NCAM1: variants seen among roughly 807,000 people sequenced by gnomAD.
NCAM1 encodes neural cell adhesion molecule 1, also known as antigen recognized by monoclonal antibody 5.1H11.
Under a neutral mutation model 109.8 loss-of-function variants are expected in NCAM1, and 14 were observed. The observed-to-expected ratio is 0.13, with a 90% CI of 0.08 to 0.20. The LOEUF (loss-of-function observed/expected upper bound fraction) is 0.20. NCAM1 is among the 10% of genes least tolerant of loss of function. The pLI is 1.00. For missense variants in NCAM1, 774 were observed against 1,109.9 expected (o/e 0.70, Z 4.30); for synonymous variants, 418 against 442.9 (o/e 0.94, Z 0.70).
intron 1 of NCAM1, among the ~76,000 whole-genome samples, chr11:113,135,548 CT>C (rs1941566981): frequency 6.6e-6 from 1 of 152,184 alleles, no homozygotes; most frequent in Admixed American, 6.5e-5. Flanking sequence ...AGGGAATTTG[CT>C]CCTTAGATAG....
chr11:112,982,670 G>A (rs1555068939), intron 1 of NCAM1, among the ~76,000 whole-genome samples: 1 of 151,926 alleles, frequency 6.6e-6, no homozygotes, highest in Non-Finnish European at 1.5e-5. Flanking sequence ...GACTGATTTG[G>A]ATATGCAAGA....
At chr11:113,219,760 T>C (rs1944631663) in intron 8 of NCAM1, among the ~76,000 whole-genome samples, 1 of 152,238 alleles carries the variant, frequency 6.6e-6, no homozygotes, top group African/African-American at 2.4e-5. Context: ...CTCAATGTGA[T>C]AGAGTCTCTC....
At chr11:112,979,984 A>G (rs1020960115) in intron 1 of NCAM1, among the ~76,000 whole-genome samples, 2 of 151,760 alleles carry the variant, frequency 1.3e-5, no homozygotes, top group Admixed American at 1.3e-4. Context: ...GGATGAAAAC[A>G]CTCATTAAAT....
intron 14 of NCAM1, chr11:113,240,721 T>C (rs1945295631): frequency 6.6e-7 from 1 of 1,509,084 alleles, no homozygotes; most frequent in Non-Finnish European, 9.2e-7. Flanking sequence ...CTTCCATTTT[T>C]TTTTCATTCA....
chr11:113,061,477 T>C (rs781826603), intron 1 of NCAM1, among the ~76,000 whole-genome samples: 8 of 152,144 alleles, frequency 5.3e-5, no homozygotes, highest in Admixed American at 3.9e-4. Flanking sequence ...AAAACGAAGC[T>C]CTTAAATAGT....
chr11:113,189,896 T>C (rs1242111193), intron 1 of NCAM1, among the ~76,000 whole-genome samples: 2 of 143,784 alleles, frequency 1.4e-5, no homozygotes, highest in African/African-American at 5.2e-5. Context: ...AAAAAAAAAC[T>C]ATGCTGGATA....
intron 1 of NCAM1, among the ~76,000 whole-genome samples, chr11:113,155,508 T>TA (rs879986759): frequency 0.015 from 2,046 of 140,752 alleles, 43 homozygotes; most frequent in African/African-American, 0.047. Context: ...GGCTCCATCT[T>TA]AAAAAAAAAA....
intron 8 of NCAM1, among the ~76,000 whole-genome samples, chr11:113,216,353 C>A (rs648092): frequency 1.3e-5 from 2 of 151,486 alleles, no homozygotes; most frequent in Non-Finnish European, 2.9e-5. Flanking sequence ...GGGGTTTCAC[C>A]GTGTTAGCCA....
At chr11:113,046,280 G>T (rs1021485799) in intron 1 of NCAM1, among the ~76,000 whole-genome samples, 1 of 152,212 alleles carries the variant, frequency 6.6e-6, no homozygotes, top group Admixed American at 6.5e-5. Context: ...AAGCAGAGAG[G>T]TCAGGCAACT....
rs1945010889 is a variant in NCAM1 at position 113,231,660 on chromosome 11, A to G, written c.1105A>G (p.Met369Val). 2 of 1,608,694 alleles carry G rather than the reference A, an allele frequency of 1.2e-6. No homozygotes were observed. Among genetic ancestry groups the G allele is most frequent in the Non-Finnish European group, 1.7e-6 (2 of 1,176,524 alleles). ...CCCCCGGCAGACTCTGGATGGGCAC[A>G]TGGTGGTGCGTAGCCATGCCCGTGT... ...PEKQETLDGH[M>V]VVRSHARVSS... Residue 369 changes from methionine (M) to valine (V), a missense_variant, in exon 10 of 20, where the codon ATG (methionine) becomes GTG (valine). This residue lies in a region of NCAM1 where 523 missense variants were observed against 784.2 expected (regional missense o/e 0.67). Transcript: ENST00000316851.
At chr11:113,259,949 C>T in intron 16 of NCAM1, 197 bp from the exon 17 acceptor site, 1 of 475,496 alleles carries the variant, frequency 2.1e-6, no homozygotes, top group South Asian at 2.8e-5. Flanking sequence ...AGTGATCCAC[C>T]CGCCTCGGCC....
rs1555117998 is a variant in NCAM1, at chr11:113,235,071, C to T, written c.1732C>T (p.Pro578Ser). The T allele has an allele frequency of 6.3e-7, 1 of 1,579,850 alleles. No homozygotes were observed. The highest frequency in any genetic ancestry group is 1.2e-5 in the South Asian group (1 of 86,828). Residue 578 changes from proline to serine, a missense_variant, in exon 14 of 20, where the codon CCC (proline) becomes TCC (serine). This residue lies in a region of NCAM1 where 523 missense variants were observed against 784.2 expected (regional missense o/e 0.67). Coordinates refer to ENST00000316851, the MANE Select transcript of NCAM1 (RefSeq NM_181351.5). ...CATCGTCACCATCGTGGGCCTGAAG[C>T]CCGAAACAACGTACGCCGTAAGGCT... ...EGIVTIVGLK[P>S]ETTYAVRLAA...
intron 1 of NCAM1, chr11:113,197,132 T>C (rs973461): frequency 0.4 from 69,559 of 175,476 alleles, 14,989 homozygotes; most frequent in African/African-American, 0.55. Context: ...TGGGGGAAAC[T>C]GCCCCCATGA....
chr11:112,988,467 G>T (rs1025159448), intron 1 of NCAM1, among the ~76,000 whole-genome samples: 1 of 152,066 alleles, frequency 6.6e-6, no homozygotes, highest in Admixed American at 6.5e-5. Flanking sequence ...TGTAGGGCAA[G>T]TCTAGTGGTG....
At chr11:113,041,810 T>C (rs782358800) in intron 1 of NCAM1, among the ~76,000 whole-genome samples, 5 of 152,126 alleles carry the variant, frequency 3.3e-5, no homozygotes, top group Non-Finnish European at 7.4e-5. Flanking sequence ...TGACCACTGA[T>C]AGAATCCTCC....
intron 1 of NCAM1, among the ~76,000 whole-genome samples, chr11:113,054,207 T>G (rs7945406): frequency 0.024 from 3,682 of 152,288 alleles, 143 homozygotes; most frequent in African/African-American, 0.083. Flanking sequence ...ACGTTTTTGG[T>G]GAGAGACTGA....
At chr11:113,132,493 ACTGTAT>A (rs1941428322) in intron 1 of NCAM1, among the ~76,000 whole-genome samples, 1 of 151,902 alleles carries the variant, frequency 6.6e-6, no homozygotes, top group Admixed American at 6.6e-5. Flanking sequence ...GGGTTTCTAC[ACTGTAT>A]CTTCTCCCCA....
rs562408172 is a variant in NCAM1 at position 113,261,001 on chromosome 11, T to TGCCACTGATG, written c.2131+680_2131+681insCACTGATGGC. 1.5e-3 allele frequency among the ~76,000 whole-genome samples: 235 copies of TGCCACTGATG among 152,332 alleles called. 1 individual carries two copies. The highest frequency in any genetic ancestry group is 5.0e-3 in the African/African-American group (207 of 41,590). The stretch of plus-strand genomic sequence containing the variant: ...TCTCCAGGGATCCAAGACCTAACCT[T>TGCCACTGATG]GCTGGTCTCCTTTTTGGCCAAATCC... On this transcript the variant is annotated intron_variant, in intron 17 of 19. Transcript: ENST00000316851.
Position 112,962,311 on chromosome 11 carries a change from G to T in NCAM1, c.52+647G>T, listed in dbSNP as rs1950587099. ...ACGTTAGTTTTTCATTTGCCAAATT[G>T]CTGGTTAGTTGCAAAGCCTACCCTC... On this transcript the variant is annotated intron_variant, in intron 1 of 19. Transcript: ENST00000316851. The surrounding 1 kb of genome is among the most constrained non-coding windows in gnomAD (Gnocchi z 5.6). Among the ~76,000 whole-genome samples, 1 of 152,184 alleles carries T rather than the reference G, an allele frequency of 6.6e-6. No homozygotes were observed. Among genetic ancestry groups the T allele is most frequent in the Non-Finnish European group, 1.5e-5 (1 of 68,026 alleles).
Sources: allele counts gnomAD v4.1 joint callset (sites outside exome capture counted in the v4.1 genomes callset), GRCh38; gene constraint gnomAD v4.1.1; regional missense constraint gnomAD v4.1.1; non-coding constraint Gnocchi (gnomAD v3.1); transcripts MANE v1.5; gene names NCBI Gene and HGNC (gene_info 2026-07-23, HGNC 2026-07-21).